The following GOLM2 variants were observed in gnomAD, a reference collection of about 807,000 sequenced individuals.
The protein encoded by GOLM2 is protein GOLM2.
In GOLM2, 26 loss-of-function variants were observed where a neutral mutation model predicts 55.9. That is an observed-to-expected ratio of 0.47 (90% CI 0.34 to 0.65). GOLM2 has a LOEUF of 0.65. GOLM2 is among the 30% of genes least tolerant of loss of function. The pLI, the probability that GOLM2 is intolerant of heterozygous loss-of-function variation, is 0.01. For missense variants in GOLM2, 486 were observed against 531.8 expected, an observed-to-expected ratio of 0.91 and a Z score of 0.85; for synonymous variants, 165 against 194.6, an observed-to-expected ratio of 0.85 and a Z score of 1.27.
At position 44,414,196 on chromosome 15, in the gene GOLM2, T is replaced by C. The variant is rs1001709422; in HGVS notation, c.*790T>C. 2 of 152,160 alleles carry C rather than the reference T, an allele frequency of 1.3e-5. No individual in the cohort carries two copies. The highest frequency in any genetic ancestry group is 2.9e-5 in the Non-Finnish European group (2 of 68,066). The allele number at this position is 152,160 out of a possible 1,614,324, so 9.4% of individuals were successfully genotyped here. On this transcript the variant is annotated 3_prime_UTR_variant, in exon 10 of 10. Coordinates refer to ENST00000299957, the MANE Select transcript of GOLM2 (RefSeq NM_138423.4). ...GTTCTATCTACCCCTCATTTCACGC[T>C]CAAGGAGTCATACCTAGAATAGTTA...
chr15:44,399,101 C>T (rs1048653609), intron 8 of GOLM2, among the ~76,000 whole-genome samples: 2 of 152,168 alleles, frequency 1.3e-5, no homozygotes, highest in African/African-American at 2.4e-5. Flanking sequence ...TTCTTTCTTT[C>T]CCTGTCATAG....
chr15:44,299,722 T>G (rs1248012852), intron 1 of GOLM2, among the ~76,000 whole-genome samples: 1 of 151,896 alleles, frequency 6.6e-6, no homozygotes, highest in Non-Finnish European at 1.5e-5. Context: ...ATTCATGAAG[T>G]AAAATATTTA....
At chr15:44,398,305 G>T (rs993095028) in intron 8 of GOLM2, among the ~76,000 whole-genome samples, 2 of 152,132 alleles carry the variant, frequency 1.3e-5, no homozygotes, top group Non-Finnish European at 1.5e-5. Context: ...TGTTATTTTT[G>T]CTTTCTGTTT....
intron 6 of GOLM2, among the ~76,000 whole-genome samples, chr15:44,369,140 C>A (rs2079311466): frequency 8.9e-6 from 1 of 112,278 alleles, no homozygotes; most frequent in African/African-American, 3.4e-5. Context: ...ACCCGGCCAC[C>A]TCTGTTATTT....
At chr15:44,402,861 G>A in intron 8 of GOLM2, 26 bp from the exon 9 acceptor site, 2 of 1,611,212 alleles carry the variant, frequency 1.2e-6, no homozygotes, top group Non-Finnish European at 1.7e-6. Context: ...CTTTACTCTT[G>A]AATTAATCCT....
At chr15:44,335,844 T>C (rs1185180762) in intron 4 of GOLM2, among the ~76,000 whole-genome samples, 1 of 150,038 alleles carries the variant, frequency 6.7e-6, no homozygotes, top group Non-Finnish European at 1.5e-5. Context: ...AGACAGAGTC[T>C]TGCTTTGTCA....
intron 9 of GOLM2, among the ~76,000 whole-genome samples, chr15:44,412,290 G>C (rs551103433): frequency 6.6e-6 from 1 of 152,302 alleles, no homozygotes; most frequent in South Asian, 2.1e-4. Context: ...AGAAGGCAAA[G>C]TGATCACAAC....
At chr15:44,395,669 G>A (rs2079521138) in intron 8 of GOLM2, among the ~76,000 whole-genome samples, 1 of 151,690 alleles carries the variant, frequency 6.6e-6, no homozygotes, top group Admixed American at 6.6e-5. Context: ...ATGAAACCCC[G>A]TCTCTCCTAA....
intron 1 of GOLM2, among the ~76,000 whole-genome samples, chr15:44,316,294 G>A (rs2078909091): frequency 6.6e-6 from 1 of 152,014 alleles, no homozygotes; most frequent in Admixed American, 6.6e-5. Flanking sequence ...TACTGAGTTC[G>A]AGTTCAGCCT....
chr15:44,354,685 T>C, intron 6 of GOLM2: 1 of 160,468 alleles, frequency 6.2e-6, no homozygotes, highest in Non-Finnish European at 1.4e-5. Context: ...GCCATGTCCC[T>C]GAGACAGTTG....
At chr15:44,340,381 A>G (rs1205854700) in intron 6 of GOLM2, among the ~76,000 whole-genome samples, 1 of 151,828 alleles carries the variant, frequency 6.6e-6, no homozygotes, top group Non-Finnish European at 1.5e-5. Flanking sequence ...CCATCCTCCC[A>G]CCTCAGCCTT....
At chr15:44,401,987 G>T (rs764113464) in intron 8 of GOLM2, among the ~76,000 whole-genome samples, 1 of 151,616 alleles carries the variant, frequency 6.6e-6, no homozygotes, top group Non-Finnish European at 1.5e-5. Flanking sequence ...CTGCCACCAC[G>T]CCTGGCTAAT....
intron 7 of GOLM2, among the ~76,000 whole-genome samples, chr15:44,380,270 A>G (rs887973660): frequency 6.6e-6 from 1 of 152,216 alleles, no homozygotes; most frequent in African/African-American, 2.4e-5. Context: ...GAAAAAGGTC[A>G]GAGTGGAATA....
chr15:44,372,553 C>T (rs989177404), intron 6 of GOLM2, among the ~76,000 whole-genome samples: 3 of 152,166 alleles, frequency 2.0e-5, no homozygotes, highest in Non-Finnish European at 4.4e-5. Flanking sequence ...GAAATGTTTA[C>T]TCTGAATTTT....
intron 6 of GOLM2, among the ~76,000 whole-genome samples, chr15:44,346,690 T>C (rs191189224): frequency 1.2e-4 from 18 of 152,308 alleles, no homozygotes; most frequent in Admixed American, 1.0e-3. Context: ...CTGCTCTAGA[T>C]TGAAACCAGT....
intron 1 of GOLM2, among the ~76,000 whole-genome samples, chr15:44,305,187 G>T (rs542370379): frequency 6.6e-6 from 1 of 151,946 alleles, no homozygotes; most frequent in Non-Finnish European, 1.5e-5. Flanking sequence ...TTTTGTAGAG[G>T]TGGAGTTTTG....
At chr15:44,348,312 C>A (rs1384637863) in intron 6 of GOLM2, among the ~76,000 whole-genome samples, 1 of 150,788 alleles carries the variant, frequency 6.6e-6, no homozygotes, top group African/African-American at 2.4e-5. Context: ...TAGAAGGGAG[C>A]CTGTTGCTCT....
chr15:44,319,128 T>C (rs1390571351), intron 1 of GOLM2, among the ~76,000 whole-genome samples: 1 of 152,190 alleles, frequency 6.6e-6, no homozygotes, highest in East Asian at 1.9e-4. Flanking sequence ...TATTTTACGG[T>C]ATTATGATTG....
intron 6 of GOLM2, among the ~76,000 whole-genome samples, chr15:44,340,332 G>A (rs1326989274): frequency 3.3e-5 from 5 of 152,042 alleles, no homozygotes; most frequent in Non-Finnish European, 7.4e-5. Context: ...AGAGTGCAGT[G>A]ATCATAGTTG....
Sources: gnomAD v4.1 joint callset for allele counts (sites outside exome capture counted in the v4.1 genomes callset) on GRCh38, gnomAD v4.1.1 for gene constraint, MANE v1.5 for transcripts, NCBI Gene and HGNC (gene_info 2026-07-23, HGNC 2026-07-21) for gene names.